RBFOX1: variants seen among roughly 807,000 people sequenced by gnomAD.
RBFOX1 encodes the protein RNA binding fox-1 homolog 1, also known as RNA binding protein fox-1 homolog 1.
A neutral mutation model predicts 57.7 loss-of-function variants in RBFOX1; 8 were observed. The observed-to-expected ratio is 0.14, with a 90% CI of 0.08 to 0.25. RBFOX1 has a LOEUF of 0.25. Ranked by LOEUF, RBFOX1 falls within the 10% of genes least tolerant of loss-of-function variation. The pLI, the probability that RBFOX1 is intolerant of heterozygous loss-of-function variation, is 1.00. For missense variants in RBFOX1, 611 were observed against 548.5 expected, an observed-to-expected ratio of 1.11 and a Z score of -1.14; for synonymous variants, 326 against 222.4, an observed-to-expected ratio of 1.47 and a Z score of -4.15.
intron 4 of RBFOX1, among the ~76,000 whole-genome samples, chr16:7,144,595 C>T (rs193103896): frequency 2.6e-5 from 4 of 151,668 alleles, no homozygotes; most frequent in African/African-American, 4.8e-5. Context: ...TGAATCTAGA[C>T]CTATTTAGAA....
intron 2 of RBFOX1, among the ~76,000 whole-genome samples, chr16:6,415,654 T>TAA (rs2093604456): frequency 6.6e-6 from 1 of 151,896 alleles, no homozygotes; most frequent in Non-Finnish European, 1.5e-5. Flanking sequence ...TGAGCTGAGA[T>TAA]AACACCACTG....
At chr16:6,347,718 AT>A (rs1342964481) in intron 2 of RBFOX1, among the ~76,000 whole-genome samples, 1 of 152,242 alleles carries the variant, frequency 6.6e-6, no homozygotes, top group Non-Finnish European at 1.5e-5. Context: ...GACACAAATA[AT>A]ATCATAAGAC....
intron 4 of RBFOX1, among the ~76,000 whole-genome samples, chr16:7,314,693 T>C (rs562250846): frequency 1.3e-5 from 2 of 152,262 alleles, no homozygotes; most frequent in Admixed American, 6.5e-5. Context: ...GAGATTCAGA[T>C]CACATTAGAA....
intron 1 of RBFOX1, among the ~76,000 whole-genome samples, chr16:6,098,318 G>A (rs984208189): frequency 6.6e-6 from 1 of 152,134 alleles, no homozygotes; most frequent in East Asian, 1.9e-4. Context: ...GAATAGAAAC[G>A]CCACCGCCTG....
intron 2 of RBFOX1, among the ~76,000 whole-genome samples, chr16:6,627,843 T>C (rs191397765): frequency 2.8e-4 from 42 of 152,238 alleles, no homozygotes; most frequent in African/African-American, 9.6e-4. Flanking sequence ...ATAAAGTGTG[T>C]CTCAGTACAA....
intron 6 of RBFOX1, among the ~76,000 whole-genome samples, chr16:7,583,261 G>T (rs1034980): frequency 0.83 from 125,728 of 151,832 alleles, 53,012 homozygotes; most frequent in Middle Eastern, 0.93. Flanking sequence ...GAGGTTCAAG[G>T]GAATGGATCT....
chr16:7,412,036 G>C (rs939870987), intron 4 of RBFOX1, among the ~76,000 whole-genome samples: 1 of 152,090 alleles, frequency 6.6e-6, no homozygotes, highest in Non-Finnish European at 1.5e-5. Context: ...AAGGACATTA[G>C]ATGAAAACTA....
chr16:5,410,760 A>C (rs2058114), intron 1 of RBFOX1, among the ~76,000 whole-genome samples: 24,945 of 149,188 alleles, frequency 0.17, 2,437 homozygotes, highest in Middle Eastern at 0.22. Flanking sequence ...CCTGTTTACA[A>C]TGCCCTGTCC....
chr16:5,867,396 T>G, intron 4 of RBFOX1: 1 of 1,024,606 alleles, frequency 9.8e-7, no homozygotes, highest in East Asian at 3.3e-5. Flanking sequence ...TCTTTTGTGA[T>G]GGAGTGTAAC....
chr16:6,850,458 T>C (rs1289100853), intron 3 of RBFOX1, among the ~76,000 whole-genome samples: 1 of 151,910 alleles, frequency 6.6e-6, no homozygotes, highest in East Asian at 1.9e-4. Flanking sequence ...GAGGTTTGAG[T>C]TGAGAGCTTA....
chr16:7,283,457 G>C (rs573373137), intron 4 of RBFOX1, among the ~76,000 whole-genome samples: 17 of 152,050 alleles, frequency 1.1e-4, no homozygotes, highest in African/African-American at 4.1e-4. Context: ...CCTCTTCCGT[G>C]GTGGAAAGGA....
intron 4 of RBFOX1, among the ~76,000 whole-genome samples, chr16:7,193,974 G>C (rs2086066264): frequency 6.6e-6 from 1 of 151,322 alleles, no homozygotes; most frequent in African/African-American, 2.4e-5. Flanking sequence ...TTTAAGGATT[G>C]GCTAAAAATA....
At chr16:6,335,884 A>T (rs922909584) in intron 2 of RBFOX1, among the ~76,000 whole-genome samples, 2 of 150,766 alleles carry the variant, frequency 1.3e-5, no homozygotes, top group South Asian at 4.2e-4. Flanking sequence ...GATATTTCCT[A>T]TGTCCATATG....
intron 3 of RBFOX1, among the ~76,000 whole-genome samples, chr16:6,894,761 T>G (rs1331604145): frequency 6.6e-6 from 1 of 152,206 alleles, no homozygotes; most frequent in Non-Finnish European, 1.5e-5. Flanking sequence ...GTTCATTTTT[T>G]TCTATTATCT....
chr16:6,678,938 G>C (rs1194995931), intron 3 of RBFOX1, among the ~76,000 whole-genome samples: 1 of 152,110 alleles, frequency 6.6e-6, no homozygotes, highest in Middle Eastern at 3.2e-3. Context: ...ACATGGATGT[G>C]GCATTCAGTA....
chr16:5,544,951 C>CTTTTTTTTTTTTTTTTTTTTTTTTTTTT (rs59873374), intron 2 of RBFOX1, among the ~76,000 whole-genome samples: 1 of 124,414 alleles, frequency 8.0e-6, no homozygotes, highest in Non-Finnish European at 1.6e-5. Context: ...CTATTACATT[C>CTTTTTTTTTTTTTTTTTTTTTTTTTTTT]TTTTTTTTTT....
intron 3 of RBFOX1, among the ~76,000 whole-genome samples, chr16:6,813,203 G>T (rs2089195781): frequency 1.3e-5 from 2 of 152,012 alleles, no homozygotes; most frequent in South Asian, 4.2e-4. Flanking sequence ...ATTATAGCAA[G>T]GATGATTGGC....
intron 3 of RBFOX1, among the ~76,000 whole-genome samples, chr16:6,933,731 A>T (rs1342396907): frequency 6.6e-6 from 1 of 152,164 alleles, no homozygotes; most frequent in Admixed American, 6.5e-5. Flanking sequence ...ACAAAAACAA[A>T]TTGGAAGAAT....
chr16:6,938,768 C>T (rs11077118), intron 3 of RBFOX1, among the ~76,000 whole-genome samples: 75,382 of 151,402 alleles, frequency 0.5, 18,886 homozygotes, highest in East Asian at 0.68. Flanking sequence ...CCTGTCTGTA[C>T]TAAAAATCCA....
Sources: allele counts gnomAD v4.1 joint callset (sites outside exome capture counted in the v4.1 genomes callset), GRCh38; gene constraint gnomAD v4.1.1; transcripts MANE v1.5; gene names NCBI Gene and HGNC (gene_info 2026-07-23, HGNC 2026-07-21).